Variants in HLCS observed in about 807,000 individuals in gnomAD.
The protein encoded by HLCS is holocarboxylase synthetase, also known as biotin--protein ligase.
A neutral mutation model predicts 75.0 loss-of-function variants in HLCS; 53 were observed. That is an observed-to-expected ratio of 0.71 (90% CI 0.57 to 0.89). The LOEUF (loss-of-function observed/expected upper bound fraction) is 0.89. Among genes scored for constraint, HLCS ranks in the 40% least tolerant of loss-of-function variants. The pLI is 0.00. For synonymous variants in HLCS, 431 were observed against 428.6 expected (o/e 1.01, Z -0.07); for missense variants, 966 against 1,074.0 (o/e 0.90, Z 1.41).
At chr21:36,835,007 C>T (rs2062359882) in intron 6 of HLCS, among the ~76,000 whole-genome samples, 1 of 152,204 alleles carries the variant, frequency 6.6e-6, no homozygotes, top group African/African-American at 2.4e-5. Context: ...TAGAAGCCTT[C>T]TCGAGAACAG....
intron 6 of HLCS, among the ~76,000 whole-genome samples, chr21:36,850,176 T>G (rs2062941648): frequency 6.6e-6 from 1 of 152,244 alleles, no homozygotes; most frequent in African/African-American, 2.4e-5. Context: ...CTTAACATTT[T>G]TTTCCTATAA....
chr21:36,965,422 G>A (rs570081861), intron 1 of HLCS, among the ~76,000 whole-genome samples: 54 of 152,324 alleles, frequency 3.5e-4, no homozygotes, highest in African/African-American at 1.2e-3. Context: ...ACAGCTGAAT[G>A]GAAAGATCTA....
chr21:36,803,700 T>A (rs1351415627), intron 6 of HLCS, among the ~76,000 whole-genome samples: 3 of 151,012 alleles, frequency 2.0e-5, no homozygotes. Context: ...AAAAAACTCA[T>A]AAGGTGAAAA....
At chr21:36,918,407 G>C (rs922235662) in intron 5 of HLCS, among the ~76,000 whole-genome samples, 9 of 152,206 alleles carry the variant, frequency 5.9e-5, no homozygotes, top group Non-Finnish European at 7.3e-5. Flanking sequence ...GGGTAAGAAG[G>C]AGACGCCATC....
At chr21:36,891,403 T>C (rs999932278) in intron 6 of HLCS, among the ~76,000 whole-genome samples, 1 of 152,250 alleles carries the variant, frequency 6.6e-6, no homozygotes, top group South Asian at 2.1e-4. Context: ...CAGTGAAACC[T>C]AATCTTAATT....
In HLCS at chr21:36,922,971, G is replaced by C. The variant is rs185868068; in HGVS notation, c.1620+7280C>G. On this transcript the variant is annotated intron_variant, in intron 5 of 10. Transcript: ENST00000674895. ...AAATGGGATTCGGGTCTCAGACCCC[G>C]ACATTCCTGAGCTGACACCACCAGC... Among the ~76,000 whole-genome samples, 460 of 152,312 alleles carry C rather than the reference G, an allele frequency of 3.0e-3. 2 individuals carry two copies. Among genetic ancestry groups the C allele is most frequent in the African/African-American group, 0.011 (446 of 41,580 alleles).
At chr21:36,884,735 G>A (rs967499584) in intron 6 of HLCS, among the ~76,000 whole-genome samples, 1 of 152,092 alleles carries the variant, frequency 6.6e-6, no homozygotes, top group Non-Finnish European at 1.5e-5. Context: ...ATAAAACAGA[G>A]GCATTTGACA....
intron 6 of HLCS, among the ~76,000 whole-genome samples, chr21:36,823,631 G>A (rs2061917103): frequency 6.6e-6 from 1 of 151,868 alleles, no homozygotes; most frequent in African/African-American, 2.4e-5. Context: ...GTGTGTGTGT[G>A]TGTGTGTGTG....
intron 6 of HLCS, among the ~76,000 whole-genome samples, chr21:36,795,683 G>C (rs1277264694): frequency 2.0e-5 from 3 of 152,202 alleles, no homozygotes; most frequent in Non-Finnish European, 2.9e-5. Flanking sequence ...GTCATAGCCT[G>C]AGACATCCTG....
chr21:36,888,446 ATAT>A lies in HLCS; in HGVS notation c.1892+8411_1892+8413del, dbSNP rs1463192938. On this transcript the variant is annotated intron_variant, in intron 6 of 10. Coordinates refer to ENST00000674895, the MANE Select transcript of HLCS (RefSeq NM_001352514.2). ...CCCTTCCCATTTAAAAAAAAAAAAAATATATATATATATATATATATATATATA... is the reference window on the plus strand; with the variant it reads ...CCCTTCCCATTTAAAAAAAAAAAAAAATATATATATATATATATATATATA... 2.3e-3 allele frequency among the ~76,000 whole-genome samples: 160 copies of A among 70,314 alleles called. 2 individuals are homozygous for A. The highest frequency in any genetic ancestry group is 2.6e-3 in the Non-Finnish European group (108 of 41,040). The allele number at this position is 70,314 out of a possible 152,430, so 46.1% of individuals were successfully genotyped here.
At chr21:36,814,406 CA>C (rs1320871626) in intron 6 of HLCS, among the ~76,000 whole-genome samples, 2 of 152,208 alleles carry the variant, frequency 1.3e-5, no homozygotes, top group African/African-American at 4.8e-5. Flanking sequence ...TTCAGATAAA[CA>C]ACAGATAATT....
chr21:36,831,792 T>C (rs1330222256), intron 6 of HLCS, among the ~76,000 whole-genome samples: 1 of 152,214 alleles, frequency 6.6e-6, no homozygotes, highest in Non-Finnish European at 1.5e-5. Flanking sequence ...GTCTCCTTTA[T>C]GAGTAGAAGG....
Position 36,853,492 on chromosome 21 carries a change from G to GT in HLCS, c.1892+43367dup, listed in dbSNP as rs976758830. 4.6e-5 allele frequency among the ~76,000 whole-genome samples: 7 copies of GT among 152,086 alleles called. No individual in the cohort carries two copies. In the East Asian group the frequency reaches 7.7e-4, roughly 17 times the overall value. ...GTTTAAAACATGGGATAAAATACAA[G>GT]TTTTTTTAAGTATGTTATTGTATTG... On this transcript the variant is annotated intron_variant, in intron 6 of 10. Transcript: ENST00000674895.
intron 6 of HLCS, among the ~76,000 whole-genome samples, chr21:36,882,916 T>C (rs1241453366): frequency 6.6e-6 from 1 of 152,142 alleles, no homozygotes; most frequent in African/African-American, 2.4e-5. Flanking sequence ...CTCCTTCTCA[T>C]CTCCTTGCCC....
At chr21:36,778,504 C>A (rs1292115566) in intron 6 of HLCS, among the ~76,000 whole-genome samples, 1 of 151,940 alleles carries the variant, frequency 6.6e-6, no homozygotes, top group Non-Finnish European at 1.5e-5. Context: ...GTCTCTAACT[C>A]CCGACCTCAG....
intron 6 of HLCS, among the ~76,000 whole-genome samples, chr21:36,838,570 G>A (rs1174874588): frequency 6.6e-6 from 1 of 152,104 alleles, no homozygotes; most frequent in Non-Finnish European, 1.5e-5. Context: ...CGGGAGAGGT[G>A]ATGGGTGCCT....
intron 6 of HLCS, among the ~76,000 whole-genome samples, chr21:36,799,929 G>A (rs2061146336): frequency 6.6e-6 from 1 of 152,180 alleles, no homozygotes; most frequent in Admixed American, 6.5e-5. Flanking sequence ...GTTGTTTGTG[G>A]ACAACTAATA....
chr21:36,874,883 C>A (rs897660023), intron 6 of HLCS, among the ~76,000 whole-genome samples: 1 of 152,082 alleles, frequency 6.6e-6, no homozygotes, highest in African/African-American at 2.4e-5. Flanking sequence ...CCAGGAAGCA[C>A]CCCCGGTCCC....
rs954835073 is a variant in HLCS at position 36,748,691 on chromosome 21, G to T, written c.*5555C>A. Reference sequence around the variant, plus strand: ...AAAAAGCCAACAAACCAAGACTAAGGGGGTGACCATGCAATTCCATTTTGT... The same window carrying T: ...AAAAAGCCAACAAACCAAGACTAAGTGGGTGACCATGCAATTCCATTTTGT... On this transcript the variant is annotated 3_prime_UTR_variant, in exon 11 of 11. Coordinates refer to ENST00000674895, the MANE Select transcript of HLCS (RefSeq NM_001352514.2). 6.6e-6 allele frequency: 1 copy of T among 152,536 alleles called. No homozygotes were observed. The highest frequency in any genetic ancestry group is 1.5e-5 in the Non-Finnish European group (1 of 68,040). The allele number at this position is 152,536 out of a possible 1,614,324, so 9.4% of individuals were successfully genotyped here.
Sources: gnomAD v4.1 joint callset for allele counts (sites outside exome capture counted in the v4.1 genomes callset) on GRCh38, gnomAD v4.1.1 for gene constraint, MANE v1.5 for transcripts, NCBI Gene and HGNC (gene_info 2026-07-23, HGNC 2026-07-21) for gene names.